NXPH1: variants seen among roughly 807,000 people sequenced by gnomAD.
The protein encoded by NXPH1 is neurexophilin 1.
NXPH1 carries 5 observed loss-of-function variants against 23.7 expected under a neutral mutation model. That is an observed-to-expected ratio of 0.21 (90% CI 0.11 to 0.44). The LOEUF (loss-of-function observed/expected upper bound fraction) is 0.44. Ranked by LOEUF, NXPH1 falls within the 20% of genes least tolerant of loss-of-function variation. The pLI, the probability that NXPH1 is intolerant of heterozygous loss-of-function variation, is 0.99. For synonymous variants in NXPH1, 144 were observed against 122.2 expected (o/e 1.18, Z -1.18); for missense variants, 324 against 321.6 (o/e 1.01, Z -0.06).
chr7:8,675,859 T>C (rs1235575263), intron 2 of NXPH1, among the ~76,000 whole-genome samples: 1 of 152,178 alleles, frequency 6.6e-6, no homozygotes, highest in African/African-American at 2.4e-5. Context: ...TGGATTCCAA[T>C]AAATTAGTCA....
intron 2 of NXPH1, among the ~76,000 whole-genome samples, chr7:8,726,604 T>G (rs1228182381): frequency 6.7e-6 from 1 of 149,676 alleles, no homozygotes; most frequent in East Asian, 2.0e-4. Context: ...TTTGTTCTTG[T>G]GATAGTTTAC....
Position 8,464,619 on chromosome 7 carries a change from T to A in NXPH1, c.54+28852T>A, listed in dbSNP as rs201594489. ...AAGAAGATCTAGATTTGAATTCTGT[T>A]TAGTTCTGTTAAGGCAACCTAGAAA... On this transcript the variant is annotated intron_variant, in intron 2 of 2. Coordinates refer to ENST00000405863, the MANE Select transcript of NXPH1 (RefSeq NM_152745.3). Among the ~76,000 whole-genome samples, 23 of 152,314 alleles carry A rather than the reference T, an allele frequency of 1.5e-4. No homozygotes were observed. In the East Asian group the frequency reaches 2.3e-3, roughly 15 times the overall value.
chr7:8,552,238 A>G (rs958568227), intron 2 of NXPH1, among the ~76,000 whole-genome samples: 5 of 151,394 alleles, frequency 3.3e-5, no homozygotes, highest in African/African-American at 4.8e-5. Context: ...ACTGCTGACA[A>G]TTACACAAAT....
intron 2 of NXPH1, among the ~76,000 whole-genome samples, chr7:8,460,042 C>G (rs1271152939): frequency 6.6e-6 from 1 of 152,064 alleles, no homozygotes; most frequent in Non-Finnish European, 1.5e-5. Flanking sequence ...GTTAGGTCTT[C>G]TGTTAGTTTT....
chr7:8,576,149 A>G (rs1430330724), intron 2 of NXPH1, among the ~76,000 whole-genome samples: 1 of 152,142 alleles, frequency 6.6e-6, no homozygotes, highest in African/African-American at 2.4e-5. Flanking sequence ...TTTCTTAAGC[A>G]AGTATATCAA....
At chr7:8,645,986 G>T (rs532675966) in intron 2 of NXPH1, among the ~76,000 whole-genome samples, 2 of 151,714 alleles carry the variant, frequency 1.3e-5, no homozygotes, top group Admixed American at 6.6e-5. Context: ...TTTTTCCTTT[G>T]TACACGTTTT....
chr7:8,711,186 G>C (rs1353104416), intron 2 of NXPH1, among the ~76,000 whole-genome samples: 2 of 152,050 alleles, frequency 1.3e-5, no homozygotes, highest in Admixed American at 1.3e-4. Context: ...AATACACCTG[G>C]AGAAGAAAAC....
chr7:8,579,094 G>A (rs1818813197), intron 2 of NXPH1, among the ~76,000 whole-genome samples: 2 of 152,192 alleles, frequency 1.3e-5, no homozygotes, highest in African/African-American at 4.8e-5. Context: ...GTTAAAGGGA[G>A]AAACGTGAAG....
At chr7:8,565,462 T>C (rs1435488059) in intron 2 of NXPH1, among the ~76,000 whole-genome samples, 3 of 150,488 alleles carry the variant, frequency 2.0e-5, no homozygotes, top group Non-Finnish European at 3.0e-5. Context: ...TATGCAATCC[T>C]TAGAATGGGA....
chr7:8,510,852 T>C (rs532856234), intron 2 of NXPH1, among the ~76,000 whole-genome samples: 67 of 152,260 alleles, frequency 4.4e-4, no homozygotes, highest in South Asian at 1.0e-3. Context: ...TCTCTCTCAA[T>C]AGGCACTTGC....
chr7:8,469,706 T>C (rs1419622125), intron 2 of NXPH1, among the ~76,000 whole-genome samples: 1 of 152,140 alleles, frequency 6.6e-6, no homozygotes, highest in Non-Finnish European at 1.5e-5. Context: ...ATGCACACTA[T>C]GATGAGGGTA....
At chr7:8,436,026 C>T (rs1033690502) in intron 2 of NXPH1, among the ~76,000 whole-genome samples, 6 of 152,098 alleles carry the variant, frequency 3.9e-5, no homozygotes, top group South Asian at 2.1e-4. Context: ...ACCCTAAACC[C>T]AAGGAGGTAG....
At chr7:8,652,698 T>C (rs114882718) in intron 2 of NXPH1, among the ~76,000 whole-genome samples, 1,701 of 152,288 alleles carry the variant, frequency 0.011, 35 homozygotes, top group African/African-American at 0.039. Flanking sequence ...CTCTATTTTC[T>C]TTAACCGAGG....
chr7:8,548,399 A>G (rs774242706), intron 2 of NXPH1, among the ~76,000 whole-genome samples: 121 of 151,570 alleles, frequency 8.0e-4, no homozygotes, highest in Non-Finnish European at 8.0e-4. Context: ...TGTTAAAAGG[A>G]ATCCAGAAGA....
At chr7:8,612,992 C>A (rs1159729488) in intron 2 of NXPH1, among the ~76,000 whole-genome samples, 1 of 151,930 alleles carries the variant, frequency 6.6e-6, no homozygotes, top group African/African-American at 2.4e-5. Context: ...TTTCAATTTT[C>A]TGTGAAAAAA....
intron 2 of NXPH1, among the ~76,000 whole-genome samples, chr7:8,636,076 G>T (rs1479333667): frequency 6.6e-6 from 1 of 152,096 alleles, no homozygotes; most frequent in Non-Finnish European, 1.5e-5. Flanking sequence ...AGCCTGCATA[G>T]ACTTTCTTTT....
intron 2 of NXPH1, among the ~76,000 whole-genome samples, chr7:8,709,783 A>T (rs555536177): frequency 1.3e-5 from 2 of 152,322 alleles, no homozygotes; most frequent in East Asian, 3.9e-4. Context: ...AAGTACAATG[A>T]TTTTCTAAGA....
chr7:8,627,237 A>G (rs1820011847), intron 2 of NXPH1, among the ~76,000 whole-genome samples: 1 of 152,102 alleles, frequency 6.6e-6, no homozygotes, highest in African/African-American at 2.4e-5. Context: ...GAACTCATGC[A>G]TGACCTCGGG....
At chr7:8,638,407 C>T (rs1238042550) in intron 2 of NXPH1, among the ~76,000 whole-genome samples, 1 of 152,178 alleles carries the variant, frequency 6.6e-6, no homozygotes, top group Admixed American at 6.5e-5. Flanking sequence ...CAGGAAACCT[C>T]TTGAAGTTTG....
Sources: gnomAD v4.1 joint callset for allele counts (sites outside exome capture counted in the v4.1 genomes callset) on GRCh38, gnomAD v4.1.1 for gene constraint, MANE v1.5 for transcripts, NCBI Gene and HGNC (gene_info 2026-07-23, HGNC 2026-07-21) for gene names.